Variants in CAMK2B observed in about 807,000 individuals in gnomAD.
CAMK2B encodes the protein calcium/calmodulin dependent protein kinase II beta, also known as calcium/calmodulin-dependent protein kinase type II subunit beta.
Under a neutral mutation model 93.7 loss-of-function variants are expected in CAMK2B, and 27 were observed. That is an observed-to-expected ratio of 0.29 (90% CI 0.21 to 0.40). CAMK2B has a LOEUF of 0.40. CAMK2B is among the 10% of genes least tolerant of loss of function. The pLI is 1.00. For synonymous variants in CAMK2B, 374 were observed against 358.8 expected (o/e 1.04, Z -0.48); for missense variants, 568 against 895.8 (o/e 0.63, Z 4.67).
chr7:44,305,326 C>T (rs2115618043), intron 1 of CAMK2B, among the ~76,000 whole-genome samples: 1 of 152,200 alleles, frequency 6.6e-6, no homozygotes, highest in Non-Finnish European at 1.5e-5. Flanking sequence ...CAAACCAGAC[C>T]CCTCTCCCCT....
chr7:44,271,479 C>T lies in CAMK2B; in HGVS notation c.161-8415G>A, dbSNP rs1253149436. 6.6e-6 allele frequency among the ~76,000 whole-genome samples: 1 copy of T among 152,196 alleles called. No individual in the cohort carries two copies. The highest frequency in any genetic ancestry group is 2.1e-4 in the South Asian group (1 of 4,826). Reference sequence around the variant, plus strand: ...GGTCTGGTCTTTAATTCTGTTTGGCCATGACCTGGCTGGCTCCTACAGACT... The same window carrying T: ...GGTCTGGTCTTTAATTCTGTTTGGCTATGACCTGGCTGGCTCCTACAGACT... On this transcript the variant is annotated intron_variant, in intron 2 of 23. Coordinates refer to ENST00000395749, the MANE Select transcript of CAMK2B (RefSeq NM_001220.5). The surrounding 1 kb of genome is among the most constrained non-coding windows in gnomAD (Gnocchi z 4.2).
intron 1 of CAMK2B, among the ~76,000 whole-genome samples, chr7:44,320,841 G>A (rs1344102040): frequency 6.6e-6 from 1 of 152,196 alleles, no homozygotes; most frequent in East Asian, 1.9e-4. Flanking sequence ...CTCGGGCCAG[G>A]CACTGGGGAC....
chr7:44,322,862 C>T (rs1019184321), intron 1 of CAMK2B, among the ~76,000 whole-genome samples: 45 of 152,238 alleles, frequency 3.0e-4, no homozygotes, highest in Admixed American at 7.9e-4. Flanking sequence ...GGGAGCTCAG[C>T]GCCACCTGAC....
rs1421574475 is a variant in CAMK2B at position 44,229,397 on chromosome 7, G to A, written c.1330C>T (p.Pro444Ser). ...CPSPAPFSPL[P>S]APSPRISDIL... is the part of the protein sequence containing the mutation. ...GACCCAGGCTACTTACATGGGGCTG[G>A]CAGGGGGCTAAAGGGAGCCGGAGAT... Residue 444 changes from proline to serine, a missense_variant, in exon 18 of 24, where the codon CCA becomes TCA. By Grantham distance (74) the Pro-to-Ser change is moderately conservative (BLOSUM62 -1). Transcript: ENST00000395749. 4 of 1,521,952 alleles carry A rather than the reference G, an allele frequency of 2.6e-6. No individual in the cohort carries two copies. In the East Asian group the frequency reaches 7.7e-5, roughly 29 times the overall value. 94.3% of individuals were successfully genotyped at this position (1,521,952 alleles called of 1,614,324 possible). A position where few individuals can be genotyped will look rare whatever the true frequency, so the allele number is the denominator to read the frequency against.
At chr7:44,267,244 G>C (rs1382256245) in intron 2 of CAMK2B, among the ~76,000 whole-genome samples, 5 of 152,152 alleles carry the variant, frequency 3.3e-5, no homozygotes, top group African/African-American at 1.2e-4. Flanking sequence ...TGGGGTTCCA[G>C]GGCAGACAGT....
At chr7:44,284,025 G>T in intron 2 of CAMK2B, 106 bp downstream of exon 2, 1 of 773,740 alleles carries the variant, frequency 1.3e-6, no homozygotes, top group Non-Finnish European at 2.1e-6. Context: ...TGGGCCAAGT[G>T]CTGGCCAAGA....
chr7:44,266,214 G>C (rs1440792416), intron 2 of CAMK2B, among the ~76,000 whole-genome samples: 1 of 152,156 alleles, frequency 6.6e-6, no homozygotes, highest in East Asian at 1.9e-4. Context: ...GGATAGGACT[G>C]AGAAGCCACA....
At chr7:44,221,021 C>T (rs2096397052) in intron 20 of CAMK2B, 120 bp from the exon 21 acceptor site, 1 of 795,856 alleles carries the variant, frequency 1.3e-6, no homozygotes, top group Non-Finnish European at 2.0e-6. Context: ...GTTCCTGCCG[C>T]TATTTGCAGA....
chr7:44,309,669 G>A (rs544755016), intron 1 of CAMK2B, among the ~76,000 whole-genome samples: 2 of 152,242 alleles, frequency 1.3e-5, no homozygotes, highest in East Asian at 3.9e-4. Context: ...CTGTGGAAAG[G>A]ACACAGCCTC....
intron 1 of CAMK2B, among the ~76,000 whole-genome samples, chr7:44,307,915 G>T (rs1392869985): frequency 6.6e-6 from 1 of 152,112 alleles, no homozygotes; most frequent in Non-Finnish European, 1.5e-5. Context: ...ACCCAGGCTG[G>T]AGTGCAGTGG....
In CAMK2B at chr7:44,218,815, C is replaced by T. The variant is rs2096363662; in HGVS notation, c.*710G>A. On this transcript the variant is annotated 3_prime_UTR_variant, in exon 24 of 24. Coordinates refer to ENST00000395749, the MANE Select transcript of CAMK2B (RefSeq NM_001220.5). ...TGGGGACGGGACTCCAGTTTCAATA[C>T]TCCAGGGGGTGAGGGGCCGGCCTGG... 1 of 152,358 alleles carries T rather than the reference C, an allele frequency of 6.6e-6. No individual in the cohort carries two copies. The highest frequency in any genetic ancestry group is 1.5e-5 in the Non-Finnish European group (1 of 68,160). 9.4% of individuals were successfully genotyped at this position (152,358 alleles called of 1,614,324 possible). A position where few individuals can be genotyped will look rare whatever the true frequency, so the allele number is the denominator to read the frequency against.
chr7:44,287,791 G>T (rs1490036849), intron 1 of CAMK2B, among the ~76,000 whole-genome samples: 1 of 152,244 alleles, frequency 6.6e-6, no homozygotes, highest in Admixed American at 6.5e-5. Context: ...ACAGCTCCCC[G>T]CTTTCCCAGC....
chr7:44,284,098 C>T, intron 2 of CAMK2B, 33 bp downstream of exon 2: 1 of 1,522,466 alleles, frequency 6.6e-7, no homozygotes, highest in African/African-American at 1.4e-5. Flanking sequence ...CCCAGCCTGA[C>T]AGCAGCTGCG....
intron 2 of CAMK2B, among the ~76,000 whole-genome samples, chr7:44,273,804 T>A (rs2097000615): frequency 6.6e-6 from 1 of 152,170 alleles, no homozygotes; most frequent in Non-Finnish European, 1.5e-5. Context: ...TTTGTCCTTT[T>A]CAGAGAGTGG....
intron 1 of CAMK2B, among the ~76,000 whole-genome samples, chr7:44,299,634 T>G (rs980206735): frequency 1.3e-5 from 2 of 152,222 alleles, no homozygotes; most frequent in African/African-American, 4.8e-5. Flanking sequence ...CTACATTAAT[T>G]AGAGAAAACA....
chr7:44,235,327 C>G (rs1339386310), intron 13 of CAMK2B, among the ~76,000 whole-genome samples: 1 of 152,236 alleles, frequency 6.6e-6, no homozygotes, highest in East Asian at 1.9e-4. Flanking sequence ...TGTGCACTGA[C>G]TGGGGCCAGC....
At chr7:44,278,271 G>A (rs1378766113) in intron 2 of CAMK2B, among the ~76,000 whole-genome samples, 1 of 152,226 alleles carries the variant, frequency 6.6e-6, no homozygotes, top group Non-Finnish European at 1.5e-5. Context: ...CAGAGGGTCT[G>A]GCCAGGAAGG....
At chr7:44,250,234 C>T (rs1191324583) in intron 5 of CAMK2B, among the ~76,000 whole-genome samples, 2 of 152,232 alleles carry the variant, frequency 1.3e-5, no homozygotes, top group Non-Finnish European at 2.9e-5. Context: ...TTGCCCTTGT[C>T]CTGGTGCAAT....
intron 1 of CAMK2B, among the ~76,000 whole-genome samples, chr7:44,298,432 A>G (rs1436896630): frequency 2.0e-5 from 3 of 152,334 alleles, no homozygotes; most frequent in Middle Eastern, 3.4e-3. Context: ...AAATTACAAA[A>G]CACTTAGAAG....
Sources: allele counts gnomAD v4.1 joint callset (sites outside exome capture counted in the v4.1 genomes callset), GRCh38; gene constraint gnomAD v4.1.1; non-coding constraint Gnocchi (gnomAD v3.1); transcripts MANE v1.5; gene names NCBI Gene and HGNC (gene_info 2026-07-23, HGNC 2026-07-21).